Variants in CHST13 observed in about 807,000 individuals in gnomAD.
CHST13 encodes C4ST-3.
Under a neutral mutation model 7.0 loss-of-function variants are expected in CHST13, and 1 was observed. The observed-to-expected ratio is 0.14, with a 90% CI of 0.05 to 0.68. CHST13 has a LOEUF of 0.68. CHST13 is among the 30% of genes least tolerant of loss of function. CHST13 has a pLI of 0.82. For missense variants in CHST13, 572 were observed against 507.9 expected (o/e 1.13, Z -1.21); for synonymous variants, 257 against 240.9 (o/e 1.07, Z -0.62).
chr3:126,524,696 G>C (rs1290609873), intron 1 of CHST13, among the ~76,000 whole-genome samples: 1 of 152,146 alleles, frequency 6.6e-6, no homozygotes, highest in East Asian at 1.9e-4. Context: ...TGGAGACCGG[G>C]GTCAGTTGTG....
chr3:126,529,430 C>T, intron 1 of CHST13: 1 of 1,281,356 alleles, frequency 7.8e-7, no homozygotes, highest in Non-Finnish European at 1.0e-6. Flanking sequence ...AGAGGCAGGG[C>T]AGCATGGGTG....
At chr3:126,530,673 G>T (rs1007605442) in intron 1 of CHST13, among the ~76,000 whole-genome samples, 2 of 152,238 alleles carry the variant, frequency 1.3e-5, no homozygotes, top group African/African-American at 2.4e-5. Context: ...CCCAGCCTGG[G>T]TCTCCCTGCA....
At chr3:126,529,078 C>T (rs1936594220) in intron 1 of CHST13, 4 of 361,090 alleles carry the variant, frequency 1.1e-5, no homozygotes, top group Non-Finnish European at 2.2e-5. Flanking sequence ...TCTCTGCTTG[C>T]TGGACTAGGG....
intron 2 of CHST13, among the ~76,000 whole-genome samples, chr3:126,541,137 T>C (rs1936949521): frequency 1.3e-5 from 2 of 152,082 alleles, no homozygotes; most frequent in African/African-American, 4.8e-5. Flanking sequence ...AGGTGCTAGG[T>C]TAAAGCCAGT....
At position 126,541,568 on chromosome 3, in the gene CHST13, G is replaced by A. The variant is rs536191113; in HGVS notation, c.181-165G>A. 2.6e-5 allele frequency among the ~76,000 whole-genome samples: 4 copies of A among 152,302 alleles called. No individual in the cohort carries two copies. In the South Asian group the frequency reaches 6.2e-4, roughly 24 times the overall value. ...ATCTCGGCCCAGGACAGATGCCCGG[G>A]CCCTAAACCACACAGTGATCAGTGA... On this transcript the variant is annotated intron_variant, in intron 2 of 2. Transcript: ENST00000319340.
At chr3:126,528,248 G>C (rs1289097228) in intron 1 of CHST13, among the ~76,000 whole-genome samples, 1 of 152,052 alleles carries the variant, frequency 6.6e-6, no homozygotes, top group Non-Finnish European at 1.5e-5. Flanking sequence ...GGGCTGGGGT[G>C]CTCTTCCTAT....
chr3:126,539,756 T>TA (rs1936894943), intron 2 of CHST13, among the ~76,000 whole-genome samples: 1 of 18,366 alleles, frequency 5.4e-5, no homozygotes, highest in African/African-American at 2.8e-4. Context: ...CACCACACAC[T>TA]CCACACCACA....
chr3:126,541,947 G>A lies in CHST13; in HGVS notation c.395G>A (p.Arg132His), dbSNP rs1300176455. 6.3e-7 allele frequency: 1 copy of A among 1,586,950 alleles called. No homozygotes were observed. Residue 132 changes from arginine to histidine, a missense_variant, in exon 3 of 3, where the codon CGC (arginine) becomes CAC (histidine). Arg to His is a conservative substitution (Grantham distance 29). Transcript: ENST00000319340. ...RVLLALSGQA[R>H]GDPRAISAQE... Reference sequence around the variant, plus strand: ...CTGCTGGCGCTGAGCGGCCAAGCCCGCGGCGACCCGCGCGCCATCTCCGCG... The same window carrying A: ...CTGCTGGCGCTGAGCGGCCAAGCCCACGGCGACCCGCGCGCCATCTCCGCG...
intron 1 of CHST13, among the ~76,000 whole-genome samples, chr3:126,526,304 G>C (rs1170604335): frequency 6.6e-6 from 1 of 152,236 alleles, no homozygotes; most frequent in Non-Finnish European, 1.5e-5. Context: ...GGCTAGTCCT[G>C]CTGGAGGGGC....
chr3:126,537,709 G>C (rs940009818), intron 2 of CHST13, among the ~76,000 whole-genome samples: 1 of 152,176 alleles, frequency 6.6e-6, no homozygotes, highest in Non-Finnish European at 1.5e-5. Flanking sequence ...GTGACCGTTG[G>C]GTGTCAACTC....
At chr3:126,535,156 G>A (rs779340723) in intron 1 of CHST13, among the ~76,000 whole-genome samples, 41 of 116,452 alleles carry the variant, frequency 3.5e-4, no homozygotes, top group Middle Eastern at 4.9e-3. Context: ...GTCCCCAGCC[G>A]GGAGACAGAC....
intron 1 of CHST13, among the ~76,000 whole-genome samples, chr3:126,534,643 C>T (rs999313920): frequency 2.0e-5 from 3 of 148,424 alleles, no homozygotes; most frequent in Non-Finnish European, 3.0e-5. Context: ...TGTCCTCAGC[C>T]GGGAGACAGA....
intron 2 of CHST13, among the ~76,000 whole-genome samples, chr3:126,540,737 G>T (rs1936940490): frequency 6.6e-6 from 1 of 152,150 alleles, no homozygotes; most frequent in Admixed American, 6.5e-5. Flanking sequence ...ATATGCCTAG[G>T]ACCGGAATTG....
rs765031113 is a variant in CHST13, at chr3:126,542,131, C to G, written c.579C>G (p.Ser193Arg). 6.4e-7 allele frequency: 1 copy of G among 1,567,716 alleles called. No individual in the cohort carries two copies. Among genetic ancestry groups the G allele is most frequent in the Non-Finnish European group, 8.6e-7 (1 of 1,161,790 alleles). The change falls in exon 3 of 3, where the codon AGC becomes AGG. Residue 193 changes from serine to arginine, a missense_variant. Ser to Arg is a moderately radical substitution (Grantham distance 110). Coordinates refer to ENST00000319340, the MANE Select transcript of CHST13 (RefSeq NM_152889.3). ...AYRNKLARPY[S>R]AAFQRRYGAR... is the part of the protein sequence containing the mutation. ...GCAACAAGCTCGCGCGCCCCTACAGCGCCGCCTTCCAGAGGCGCTACGGTG... is the reference window on the plus strand; with the variant it reads ...GCAACAAGCTCGCGCGCCCCTACAGGGCCGCCTTCCAGAGGCGCTACGGTG...
chr3:126,537,336 G>A (rs981533001), intron 2 of CHST13, among the ~76,000 whole-genome samples: 1 of 152,196 alleles, frequency 6.6e-6, no homozygotes. Context: ...CTGGAGAAGT[G>A]GGCAGCACGC....
intron 2 of CHST13, among the ~76,000 whole-genome samples, chr3:126,540,876 T>C (rs941874940): frequency 3.3e-5 from 5 of 152,234 alleles, no homozygotes; most frequent in African/African-American, 1.2e-4. Flanking sequence ...TTCCTAATTG[T>C]CTTTTTAATT....
chr3:126,541,347 T>G (rs1475523338), intron 2 of CHST13, among the ~76,000 whole-genome samples: 2 of 152,180 alleles, frequency 1.3e-5, no homozygotes, highest in Non-Finnish European at 2.9e-5. Flanking sequence ...CAATTGGGTG[T>G]GGAATTAAAC....
At position 126,524,443 on chromosome 3, in the gene CHST13, G is replaced by A; in HGVS notation, c.97+14G>A. On this transcript the variant is annotated intron_variant, in intron 1 of 2. Transcript: ENST00000319340. ...CCCTGCGCCCGGGTGAGTGCCCGCC[G>A]GCCGAGCCGCGCACCCCCAACCAAA... 9.8e-7 allele frequency: 1 copy of A among 1,025,520 alleles called. No individual in the cohort carries two copies. Among genetic ancestry groups the A allele is most frequent in the Non-Finnish European group, 1.2e-6 (1 of 801,416 alleles). The allele number at this position is 1,025,520 out of a possible 1,614,324, so 63.5% of individuals were successfully genotyped here.
intron 1 of CHST13, among the ~76,000 whole-genome samples, chr3:126,530,288 A>T (rs914186239): frequency 1.3e-5 from 2 of 151,968 alleles, no homozygotes; most frequent in Non-Finnish European, 2.9e-5. Flanking sequence ...TTTCCCTTCT[A>T]CCCACTGGCC....
Sources: allele counts gnomAD v4.1 joint callset (sites outside exome capture counted in the v4.1 genomes callset), GRCh38; gene constraint gnomAD v4.1.1; transcripts MANE v1.5; gene names NCBI Gene and HGNC (gene_info 2026-07-23, HGNC 2026-07-21).